Variants in ACSS3 observed in about 807,000 individuals in gnomAD.
ACSS3 encodes acyl-CoA synthetase short-chain family member 3, mitochondrial.
Under a neutral mutation model 84.2 loss-of-function variants are expected in ACSS3, and 64 were observed. That is an observed-to-expected ratio of 0.76 (90% confidence interval 0.62 to 0.94). The LOEUF (loss-of-function observed/expected upper bound fraction) is 0.94, where lower values mean the gene tolerates loss of function less well. Among genes scored for constraint, ACSS3 ranks in the 40% least tolerant of loss-of-function variants. ACSS3 has a pLI of 0.00. For missense variants in ACSS3, 815 were observed against 867.6 expected, an observed-to-expected ratio of 0.94 and a Z score of 0.76; for synonymous variants, 317 against 310.1, an observed-to-expected ratio of 1.02 and a Z score of -0.23.
At chr12:81,248,247 A>T (rs1375762450) in intron 13 of ACSS3, among the ~76,000 whole-genome samples, 1 of 152,070 alleles carries the variant, frequency 6.6e-6, no homozygotes, top group South Asian at 2.1e-4. Flanking sequence ...AAAGGGCTAC[A>T]TTTACCCCCA....
intron 1 of ACSS3, among the ~76,000 whole-genome samples, chr12:81,088,222 T>C (rs561079906): frequency 6.6e-6 from 1 of 152,220 alleles, no homozygotes; most frequent in East Asian, 1.9e-4. Context: ...AGCAAAAACG[T>C]ATAGATGACA....
At chr12:81,153,417 A>C (rs1886712203) in intron 7 of ACSS3, among the ~76,000 whole-genome samples, 1 of 152,146 alleles carries the variant, frequency 6.6e-6, no homozygotes, top group Non-Finnish European at 1.5e-5. Context: ...CAAAAAAAAA[A>C]AAAAAAGGTG....
At chr12:81,159,667 G>A (rs1311680395) in intron 7 of ACSS3, among the ~76,000 whole-genome samples, 1 of 152,192 alleles carries the variant, frequency 6.6e-6, no homozygotes, top group Non-Finnish European at 1.5e-5. Context: ...GTATGAACAA[G>A]AACAGATATT....
intron 7 of ACSS3, among the ~76,000 whole-genome samples, chr12:81,169,897 G>A (rs567521534): frequency 6.6e-6 from 1 of 152,184 alleles, no homozygotes; most frequent in South Asian, 2.1e-4. Context: ...GTCGATAAAG[G>A]ATGCTGCTGT....
chr12:81,239,482 A>G (rs1437437438), intron 13 of ACSS3, among the ~76,000 whole-genome samples: 1 of 152,002 alleles, frequency 6.6e-6, no homozygotes, highest in Non-Finnish European at 1.5e-5. Flanking sequence ...GTAATTTATA[A>G]AGGAAAGAGG....
chr12:81,114,959 G>T (rs1216245463), intron 2 of ACSS3, among the ~76,000 whole-genome samples: 1 of 152,018 alleles, frequency 6.6e-6, no homozygotes, highest in Non-Finnish European at 1.5e-5. Flanking sequence ...ACATCTAAAG[G>T]TTTACCTGCT....
chr12:81,107,485 T>C (rs1883114965), intron 1 of ACSS3, among the ~76,000 whole-genome samples: 1 of 49,850 alleles, frequency 2.0e-5, no homozygotes, highest in African/African-American at 4.6e-5. Context: ...GCCAGAAATG[T>C]TTTTTTTTTC....
chr12:81,237,692 C>T (rs946112214), intron 13 of ACSS3, among the ~76,000 whole-genome samples: 3 of 151,632 alleles, frequency 2.0e-5, no homozygotes, highest in Non-Finnish European at 3.0e-5. Context: ...TTTCTGTGGA[C>T]TGTGGTTTCA....
In ACSS3 at chr12:81,098,894, C is replaced by T. The variant is rs573040273; in HGVS notation, c.312-10666C>T. ...GTTTGTACCTCTGTCAGGAAATTTG[C>T]CACATTTTGCATCTTATCATAGTTA... is the stretch of plus-strand genomic sequence containing the variant. On this transcript the variant is annotated intron_variant, in intron 1 of 15. Transcript: ENST00000548058. Among the ~76,000 whole-genome samples, 17 of 152,254 alleles carry T rather than the reference C, an allele frequency of 1.1e-4. No homozygotes were observed. In the East Asian group the frequency reaches 2.9e-3, roughly 26 times the overall value.
At chr12:81,082,781 T>C (rs963139471) in intron 1 of ACSS3, among the ~76,000 whole-genome samples, 3 of 152,212 alleles carry the variant, frequency 2.0e-5, no homozygotes, top group Non-Finnish European at 4.4e-5. Flanking sequence ...CAACCGTAGC[T>C]TTGCCGCTTA....
At chr12:81,199,551 G>A (rs747353675) in intron 9 of ACSS3, 107 bp downstream of exon 9, 29 of 1,458,338 alleles carry the variant, frequency 2.0e-5, no homozygotes, top group Admixed American at 5.7e-5. Context: ...ACACAAACTC[G>A]GGATTCGAGT....
At chr12:81,196,325 G>T (rs1161803551) in intron 8 of ACSS3, among the ~76,000 whole-genome samples, 1 of 152,112 alleles carries the variant, frequency 6.6e-6, no homozygotes, top group Non-Finnish European at 1.5e-5. Context: ...TTGAGCTCTT[G>T]AAATGTGGCA....
intron 3 of ACSS3, 99 bp downstream of exon 3, chr12:81,135,103 T>A (rs749215141): frequency 9.8e-7 from 1 of 1,024,092 alleles, no homozygotes; most frequent in African/African-American, 1.7e-5. Flanking sequence ...ACTTGTTAGA[T>A]CCTCCCTTCA....
At chr12:81,200,766 T>C (rs1310956903) in intron 9 of ACSS3, among the ~76,000 whole-genome samples, 2 of 151,512 alleles carry the variant, frequency 1.3e-5, no homozygotes, top group Non-Finnish European at 2.9e-5. Flanking sequence ...CCAGGCGTGA[T>C]GGAGCGTGCC....
At chr12:81,179,097 A>G (rs2030712895) in intron 8 of ACSS3, among the ~76,000 whole-genome samples, 1 of 152,216 alleles carries the variant, frequency 6.6e-6, no homozygotes, top group East Asian at 1.9e-4. Flanking sequence ...CCATATGCGT[A>G]AGGTTAAAAC....
intron 8 of ACSS3, among the ~76,000 whole-genome samples, chr12:81,179,765 C>T (rs111378101): frequency 2.2e-5 from 3 of 134,734 alleles, no homozygotes; most frequent in Non-Finnish European, 4.6e-5. Context: ...GGTGACAGAG[C>T]GAGACTCCGT....
upstream of ACSS3, chr12:81,078,062 C>A: frequency 7.0e-7 from 1 of 1,434,554 alleles, no homozygotes; most frequent in Non-Finnish European, 9.1e-7. Context: ...CCTCAGGCCC[C>A]AGGAAGTTGC....
At chr12:81,237,939 T>C (rs1379139095) in intron 13 of ACSS3, among the ~76,000 whole-genome samples, 1 of 151,740 alleles carries the variant, frequency 6.6e-6, no homozygotes, top group Non-Finnish European at 1.5e-5. Context: ...TTCCAGATCT[T>C]AGTGGGAAAG....
intron 2 of ACSS3, among the ~76,000 whole-genome samples, chr12:81,126,047 G>A (rs1037497138): frequency 2.0e-5 from 3 of 152,094 alleles, no homozygotes; most frequent in Admixed American, 2.0e-4. Flanking sequence ...ATTACACATT[G>A]TTTTTCGGGT....
Sources: allele counts gnomAD v4.1 joint callset (sites outside exome capture counted in the v4.1 genomes callset), GRCh38; gene constraint gnomAD v4.1.1; transcripts MANE v1.5; gene names NCBI Gene and HGNC (gene_info 2026-07-23, HGNC 2026-07-21).